SLC19A1: variants seen among roughly 807,000 people sequenced by gnomAD.
The protein encoded by SLC19A1 is solute carrier family 19 member 1.
In SLC19A1, 37 loss-of-function variants were observed where a neutral mutation model predicts 35.3. The ratio of observed to expected loss-of-function variants is 1.05; its 90% CI spans 0.81 to 1.38. The LOEUF (loss-of-function observed/expected upper bound fraction) is 1.38, where lower values mean the gene tolerates loss of function less well. Ranked by LOEUF, SLC19A1 falls within the 40% of genes most tolerant of loss-of-function variation. SLC19A1 has a pLI of 0.00. For synonymous variants in SLC19A1, 460 were observed against 398.5 expected, an observed-to-expected ratio of 1.15 and a Z score of -1.84; for missense variants, 831 against 826.9, an observed-to-expected ratio of 1.00 and a Z score of -0.06.
downstream of SLC19A1, chr21:45,511,366 A>G: frequency 1.5e-6 from 1 of 679,760 alleles, no homozygotes; most frequent in African/African-American, 1.8e-5. Flanking sequence ...CAAAATCCAA[A>G]AGAGCATTGA....
At chr21:45,510,142 C>A, downstream of SLC19A1, 2 of 1,599,454 alleles carry the variant, frequency 1.3e-6, no homozygotes, top group Non-Finnish European at 1.7e-6. Flanking sequence ...GTGCTTCCAG[C>A]AGGCGCGGGC....
chr21:45,521,040 G>C (rs1461763805), intron 5 of SLC19A1, among the ~76,000 whole-genome samples: 3 of 148,588 alleles, frequency 2.0e-5, no homozygotes, highest in South Asian at 4.3e-4. Flanking sequence ...AAAAACAAAC[G>C]AAAAAAAGAT....
chr21:45,555,959 C>T (rs1249815105), intron 1 of SLC19A1, among the ~76,000 whole-genome samples: 1 of 152,208 alleles, frequency 6.6e-6, no homozygotes, highest in Non-Finnish European at 1.5e-5. Context: ...AAGGTCTACT[C>T]CCGCGAGGTG....
intron 4 of SLC19A1, among the ~76,000 whole-genome samples, 179 bp from the exon 5 acceptor site, chr21:45,526,137 G>T (rs988152133): frequency 6.6e-6 from 1 of 152,172 alleles, no homozygotes; most frequent in African/African-American, 2.4e-5. Flanking sequence ...CCCCTGCCAG[G>T]CAGGAGCCAG....
rs1056983589 is a variant in SLC19A1, at chr21:45,535,400, G to A, written c.189+2371C>T. Among the ~76,000 whole-genome samples, 17 of 152,350 alleles carry A rather than the reference G, an allele frequency of 1.1e-4. No homozygotes were observed. The East Asian group carries it at 1.7e-3, about 16-fold the overall frequency. On this transcript the variant is annotated intron_variant, in intron 2 of 5. Coordinates refer to ENST00000311124, the MANE Select transcript of SLC19A1 (RefSeq NM_194255.4). Reference sequence around the variant, plus strand: ...ACAACCAGTCCAATCCCAAGGGCACGGGGTCCCCAGGAGGCAGAAAAGGGA... The same window carrying A: ...ACAACCAGTCCAATCCCAAGGGCACAGGGTCCCCAGGAGGCAGAAAAGGGA...
At chr21:45,547,526 T>A (rs2078427237), upstream of SLC19A1, among the ~76,000 whole-genome samples, 1 of 152,206 alleles carries the variant, frequency 6.6e-6, no homozygotes, top group Non-Finnish European at 1.5e-5. Flanking sequence ...AGAGACTTCA[T>A]CTGCTGCTAA....
At chr21:45,552,869 C>T (rs564350367) in intron 1 of SLC19A1, among the ~76,000 whole-genome samples, 10 of 147,844 alleles carry the variant, frequency 6.8e-5, no homozygotes, top group Admixed American at 2.7e-4. Flanking sequence ...AAACACACGA[C>T]GGCTGTGTGC....
chr21:45,553,385 C>T (rs975441450), intron 1 of SLC19A1, among the ~76,000 whole-genome samples: 13 of 151,828 alleles, frequency 8.6e-5, no homozygotes, highest in East Asian at 3.9e-4. Context: ...ACAGGGGACA[C>T]GGCTCAGTGG....
chr21:45,531,666 A>T lies in SLC19A1; in HGVS notation c.672T>A (p.Ala224=). ...CAGGATTCATGCGCTCCAGCTCCGA[A>T]GCCGAGGTTTCGCACCGCCCCCGGT... ...RDDRGRCETS[A]SELERMNPGP... is the part of the protein sequence containing the mutation. Residue 224 remains alanine, a synonymous_variant, in exon 3 of 6, where the codon GCT becomes GCA. Coordinates refer to ENST00000311124, the MANE Select transcript of SLC19A1 (RefSeq NM_194255.4). The T allele has an allele frequency of 1.2e-6, 2 of 1,612,388 alleles. No homozygotes were observed. The highest frequency in any genetic ancestry group is 1.7e-6 in the Non-Finnish European group (2 of 1,179,788).
chr21:45,521,191 G>A (rs1392937288), intron 5 of SLC19A1, among the ~76,000 whole-genome samples: 1 of 152,214 alleles, frequency 6.6e-6, no homozygotes, highest in Non-Finnish European at 1.5e-5. Context: ...CCGGAACTGT[G>A]AGAGAATATA....
chr21:45,541,409 CT>C (rs2078299328), intron 1 of SLC19A1, among the ~76,000 whole-genome samples: 1 of 152,244 alleles, frequency 6.6e-6, no homozygotes, highest in African/African-American at 2.4e-5. Flanking sequence ...GGGAGGCCAC[CT>C]CTTTACAGGG....
chr21:45,552,790 G>C (rs971763159), intron 1 of SLC19A1, among the ~76,000 whole-genome samples: 1 of 152,102 alleles, frequency 6.6e-6, no homozygotes, highest in Non-Finnish European at 1.5e-5. Context: ...GACCTGACAC[G>C]GGAGTCTCTG....
rs761277443 is a variant in SLC19A1 at position 45,504,399 on chromosome 21, A to G, written c.498-5787T>C. ...AGGGGTTCAGGGCTCCCGTGTAACA[A>G]GTGTTTCCGTCCACAGGGGGAGAAG... is the stretch of plus-strand genomic sequence containing the variant. On this transcript the variant is annotated intron_variant, in intron 3 of 4. Coordinates refer to the SLC19A1 transcript ENST00000417954. The G allele has an allele frequency of 1.9e-5, 30 of 1,609,638 alleles. No individual in the cohort carries two copies. Among genetic ancestry groups the G allele is most frequent in the Non-Finnish European group, 2.5e-5 (29 of 1,178,310 alleles).
downstream of SLC19A1, chr21:45,510,176 G>T (rs775271361): frequency 1.3e-6 from 2 of 1,596,480 alleles, no homozygotes; most frequent in Non-Finnish European, 1.7e-6. Flanking sequence ...GGCACCTTCC[G>T]CGCCTTCCTG....
At chr21:45,511,198 G>T (rs375269967), downstream of SLC19A1, 1 of 1,593,160 alleles carries the variant, frequency 6.3e-7, no homozygotes, top group East Asian at 2.3e-5. Context: ...CTCCTTTGAC[G>T]GCAAGGACGT....
intron 1 of SLC19A1, among the ~76,000 whole-genome samples, chr21:45,558,903 G>A (rs1466421016): frequency 6.6e-6 from 1 of 151,692 alleles, no homozygotes; most frequent in African/African-American, 2.4e-5. Flanking sequence ...CTGCCTCCCA[G>A]GTTCAAGCGA....
At position 45,512,862 on chromosome 21, in the gene SLC19A1, C is replaced by T. The variant is rs1183660394; in HGVS notation, c.*2796G>A. ...ATGGGAGCTGAGGCCACACTCAGCACAAGGCCATCTGGGCTCCTCCAGGGT... is the reference window on the plus strand; with the variant it reads ...ATGGGAGCTGAGGCCACACTCAGCATAAGGCCATCTGGGCTCCTCCAGGGT... On this transcript the variant is annotated 3_prime_UTR_variant, in exon 6 of 6. Transcript: ENST00000311124. 3.9e-6 allele frequency: 1 copy of T among 258,792 alleles called. No individual in the cohort carries two copies. The highest frequency in any genetic ancestry group is 7.6e-6 in the Non-Finnish European group (1 of 131,608). 16.0% of individuals were successfully genotyped at this position (258,792 alleles called of 1,614,324 possible). A position where few individuals can be genotyped will look rare whatever the true frequency, so the allele number is the denominator to read the frequency against.
At chr21:45,503,983 C>G in intron 3 of SLC19A1, 1 of 1,613,010 alleles carries the variant, frequency 6.2e-7, no homozygotes, top group East Asian at 2.2e-5. Flanking sequence ...ACCACCTCAG[C>G]GAGACCCCGC....
At position 45,525,850 on chromosome 21, in the gene SLC19A1, G is replaced by T. The variant is rs752092346; in HGVS notation, c.1260C>A (p.Asp420Glu). The T allele has an allele frequency of 6.2e-7, 1 of 1,613,434 alleles. No individual in the cohort carries two copies. The highest frequency in any genetic ancestry group is 8.5e-7 in the Non-Finnish European group (1 of 1,179,986). The change falls in exon 5 of 6, where the codon GAC becomes GAA. Residue 420 changes from aspartate to glutamate, a missense_variant. Physicochemically the swap from Asp to Glu is conservative, Grantham distance 45. Transcript: ENST00000311124. ...VKTIITFIVS[D>E]VRGLGLPVRK... Reference sequence around the variant, plus strand: ...GGACCGGGAGGCCCAGGCCCCGCACGTCCGAGACAATGAAAGTGATGATGG... The same window carrying T: ...GGACCGGGAGGCCCAGGCCCCGCACTTCCGAGACAATGAAAGTGATGATGG...
Sources: allele counts gnomAD v4.1 joint callset (sites outside exome capture counted in the v4.1 genomes callset), GRCh38; gene constraint gnomAD v4.1.1; transcripts MANE v1.5; gene names NCBI Gene and HGNC (gene_info 2026-07-23, HGNC 2026-07-21).